SOCS5: variants seen among roughly 807,000 people sequenced by gnomAD.
SOCS5 encodes the protein suppressor of cytokine signaling 5, also known as CIS-6.
A neutral mutation model predicts 42.8 loss-of-function variants in SOCS5; 32 were observed. That is an observed-to-expected ratio of 0.75 (90% CI 0.56 to 1.01). The LOEUF (loss-of-function observed/expected upper bound fraction) is 1.01. Ranked by LOEUF, SOCS5 falls within the 50% of genes least tolerant of loss-of-function variation. The pLI, the probability that SOCS5 is intolerant of heterozygous loss-of-function variation, is 0.00. For synonymous variants in SOCS5, 283 were observed against 229.6 expected, an observed-to-expected ratio of 1.23 and a Z score of -2.10; for missense variants, 627 against 653.0, an observed-to-expected ratio of 0.96 and a Z score of 0.43.
chr2:46,718,372 CT>C (rs1255780631), intron 1 of SOCS5, among the ~76,000 whole-genome samples: 1 of 151,928 alleles, frequency 6.6e-6, no homozygotes, highest in Non-Finnish European at 1.5e-5. Context: ...GTATATTATA[CT>C]TTTTAGACTA....
At chr2:46,713,900 C>T (rs530723441) in intron 1 of SOCS5, among the ~76,000 whole-genome samples, 2 of 152,142 alleles carry the variant, frequency 1.3e-5, no homozygotes, top group Admixed American at 1.3e-4. Flanking sequence ...ATTTATTTGA[C>T]CCATGGGTTG....
intron 1 of SOCS5, among the ~76,000 whole-genome samples, chr2:46,732,593 A>G: frequency 6.6e-6 from 1 of 152,234 alleles, no homozygotes; most frequent in East Asian, 1.9e-4. Flanking sequence ...TTTATCCTTC[A>G]AGGGGTAGAG....
intron 1 of SOCS5, among the ~76,000 whole-genome samples, chr2:46,727,133 G>T (rs574175981): frequency 7.3e-6 from 1 of 136,486 alleles, no homozygotes; most frequent in Non-Finnish European, 1.6e-5. Flanking sequence ...GTTTTCCCTT[G>T]TTGGAGCCTT....
At chr2:46,751,235 T>C (rs1385309622) in intron 1 of SOCS5, among the ~76,000 whole-genome samples, 2 of 152,112 alleles carry the variant, frequency 1.3e-5, no homozygotes, top group East Asian at 1.9e-4. Flanking sequence ...ATCACAGCCA[T>C]TACTGTCAAG....
chr2:46,713,857 T>G (rs1672681913), intron 1 of SOCS5, among the ~76,000 whole-genome samples: 1 of 152,234 alleles, frequency 6.6e-6, no homozygotes, highest in Non-Finnish European at 1.5e-5. Context: ...TTAATTATTA[T>G]TCCATTCAAA....
At chr2:46,736,975 T>G (rs1673266462) in intron 1 of SOCS5, among the ~76,000 whole-genome samples, 1 of 152,202 alleles carries the variant, frequency 6.6e-6, no homozygotes, top group African/African-American at 2.4e-5. Context: ...TGGACCATTT[T>G]GAATTTCAGA....
rs960866262 is a variant in SOCS5, at chr2:46,760,311, C to CT, written c.*171dup. ...TTACTTATTCAGATAAACATGGTGC[C>CT]TATTGGAACAATAGCGGATAGAGCT... On this transcript the variant is annotated 3_prime_UTR_variant, in exon 2 of 2. Transcript: ENST00000394861. 67 of 604,864 alleles carry CT rather than the reference C, an allele frequency of 1.1e-4. No homozygotes were observed. The African/African-American group carries it at 1.1e-3, about 10-fold the overall frequency. 37.5% of individuals were successfully genotyped at this position (604,864 alleles called of 1,614,324 possible).
At chr2:46,719,933 C>T (rs1230830830) in intron 1 of SOCS5, among the ~76,000 whole-genome samples, 1 of 152,072 alleles carries the variant, frequency 6.6e-6, no homozygotes, top group Non-Finnish European at 1.5e-5. Context: ...TTATGGAAAA[C>T]TGATAAAGAA....
intron 1 of SOCS5, among the ~76,000 whole-genome samples, chr2:46,735,164 A>G (rs1054369269): frequency 2.0e-5 from 3 of 152,218 alleles, no homozygotes; most frequent in African/African-American, 7.2e-5. Flanking sequence ...TTTATTTCCT[A>G]TCAAAGTTCA....
intron 1 of SOCS5, among the ~76,000 whole-genome samples, chr2:46,748,220 C>T (rs1673548934): frequency 6.9e-6 from 1 of 144,122 alleles, no homozygotes; most frequent in African/African-American, 2.5e-5. Flanking sequence ...CAGTCTCACT[C>T]TGTCACCCAG....
intron 1 of SOCS5, among the ~76,000 whole-genome samples, chr2:46,747,337 C>G (rs1209889826): frequency 6.6e-6 from 1 of 152,028 alleles, no homozygotes; most frequent in Non-Finnish European, 1.5e-5. Flanking sequence ...CCTCCCACCT[C>G]AGCCTCCAGA....
intron 1 of SOCS5, among the ~76,000 whole-genome samples, chr2:46,721,124 T>TC (rs914302479): frequency 6.6e-6 from 1 of 152,168 alleles, no homozygotes; most frequent in African/African-American, 2.4e-5. Context: ...GAGCTGAGAC[T>TC]CCTTTGTATT....
In SOCS5 at chr2:46,760,714, T is replaced by G. The variant is rs1673848544; in HGVS notation, c.*573T>G. ...TTATAATCAGACGCCTTTTCTCTTC[T>G]GCAAAAGGTACTGTTAAGTAAACCA... is the stretch of plus-strand genomic sequence containing the variant. On this transcript the variant is annotated 3_prime_UTR_variant, in exon 2 of 2. Coordinates refer to ENST00000394861, the MANE Select transcript of SOCS5 (RefSeq NM_144949.3). 6.0e-6 allele frequency: 1 copy of G among 167,154 alleles called. No homozygotes were observed. Among genetic ancestry groups the G allele is most frequent in the Non-Finnish European group, 1.5e-5 (1 of 68,152 alleles). The allele number at this position is 167,154 out of a possible 1,614,324, so 10.4% of individuals were successfully genotyped here. A position where few individuals can be genotyped will look rare whatever the true frequency, so the allele number is the denominator to read the frequency against.
In SOCS5 at chr2:46,761,386, CT is replaced by C. The variant is rs1222805003; in HGVS notation, c.*1249del. The C allele has an allele frequency of 6.0e-6, 1 of 167,096 alleles. No homozygotes were observed. Among genetic ancestry groups the C allele is most frequent in the African/African-American group, 2.4e-5 (1 of 41,450 alleles). 10.4% of individuals were successfully genotyped at this position (167,096 alleles called of 1,614,324 possible). On this transcript the variant is annotated 3_prime_UTR_variant, in exon 2 of 2. Coordinates refer to ENST00000394861, the MANE Select transcript of SOCS5 (RefSeq NM_144949.3). ...AAAGTAGCCGAATCCACTCTCATGT[CT>C]TTTCGTTAATGTGCTCTGTACCACT...
intron 1 of SOCS5, among the ~76,000 whole-genome samples, chr2:46,711,444 C>T (rs1004645897): frequency 1.3e-5 from 2 of 152,124 alleles, no homozygotes; most frequent in African/African-American, 2.4e-5. Context: ...TATGTCTGTT[C>T]AAGGCATTAA....
chr2:46,748,343 G>T (rs1388208230), intron 1 of SOCS5, among the ~76,000 whole-genome samples: 1 of 151,810 alleles, frequency 6.6e-6, no homozygotes, highest in Non-Finnish European at 1.5e-5. Flanking sequence ...ATGCCACTTG[G>T]CCTGGCTAAT....
chr2:46,700,687 G>C (rs916264843), intron 1 of SOCS5, among the ~76,000 whole-genome samples: 5 of 152,160 alleles, frequency 3.3e-5, no homozygotes, highest in African/African-American at 1.2e-4. Context: ...CTTAATGTCA[G>C]TTGTTTAGTT....
chr2:46,757,614 C>G (rs1469590115), intron 1 of SOCS5, among the ~76,000 whole-genome samples: 1 of 152,130 alleles, frequency 6.6e-6, no homozygotes, highest in Non-Finnish European at 1.5e-5. Flanking sequence ...CACCTGTAAT[C>G]CCAGCACTTT....
intron 1 of SOCS5, among the ~76,000 whole-genome samples, chr2:46,703,792 A>G (rs1436542740): frequency 1.3e-5 from 2 of 152,228 alleles, no homozygotes; most frequent in Non-Finnish European, 2.9e-5. Context: ...AATTATTTGC[A>G]TTGTCCATCT....
Sources: gnomAD v4.1 joint callset for allele counts (sites outside exome capture counted in the v4.1 genomes callset) on GRCh38, gnomAD v4.1.1 for gene constraint, MANE v1.5 for transcripts, NCBI Gene and HGNC (gene_info 2026-07-23, HGNC 2026-07-21) for gene names.